The following GAB2 variants were observed in gnomAD, a reference collection of about 807,000 sequenced individuals.
The protein encoded by GAB2 is GRB2 associated binding protein 2.
GAB2 carries 26 observed loss-of-function variants against 65.5 expected under a neutral mutation model. That is an observed-to-expected ratio of 0.40 (90% CI 0.29 to 0.55). The LOEUF (loss-of-function observed/expected upper bound fraction) is 0.55, where lower values mean the gene tolerates loss of function less well. GAB2 is among the 20% of genes least tolerant of loss of function. GAB2 has a pLI of 0.53. For synonymous variants in GAB2, 321 were observed against 329.6 expected (o/e 0.97, Z 0.28); for missense variants, 884 against 875.8 (o/e 1.01, Z -0.12).
In GAB2 at chr11:78,219,025, T is replaced by G; in HGVS notation, c.*247A>C. ...TTTTGGAAGTAGCTCCTAACTAAGG[T>G]GGGTGGAGGCATGGCCATTACTGAT... is the stretch of plus-strand genomic sequence containing the variant. On this transcript the variant is annotated 3_prime_UTR_variant, in exon 10 of 10. Coordinates refer to ENST00000361507, the MANE Select transcript of GAB2 (RefSeq NM_080491.3). 1 of 472,830 alleles carries G rather than the reference T, an allele frequency of 2.1e-6. No homozygotes were observed. Among genetic ancestry groups the G allele is most frequent in the Non-Finnish European group, 3.8e-6 (1 of 265,224 alleles). The allele number at this position is 472,830 out of a possible 1,614,324, so 29.3% of individuals were successfully genotyped here.
chr11:78,396,390 T>G (rs1856895030), intron 1 of GAB2, among the ~76,000 whole-genome samples: 1 of 152,250 alleles, frequency 6.6e-6, no homozygotes, highest in South Asian at 2.1e-4. Context: ...AAATTTGTTT[T>G]CATATATAAT....
intron 1 of GAB2, among the ~76,000 whole-genome samples, chr11:78,368,073 C>G (rs780095786): frequency 6.6e-6 from 1 of 152,114 alleles, no homozygotes; most frequent in Non-Finnish European, 1.5e-5. Context: ...GCCTCGGCCT[C>G]CCAAAGTGCT....
intron 1 of GAB2, among the ~76,000 whole-genome samples, chr11:78,299,564 A>G (rs1231503944): frequency 6.6e-6 from 1 of 152,246 alleles, no homozygotes; most frequent in Non-Finnish European, 1.5e-5. Context: ...CAAATACAGT[A>G]TCATGAAAAG....
At chr11:78,296,908 G>A (rs1866845041) in intron 1 of GAB2, among the ~76,000 whole-genome samples, 1 of 152,208 alleles carries the variant, frequency 6.6e-6, no homozygotes, top group Non-Finnish European at 1.5e-5. Flanking sequence ...AGATGGTGGA[G>A]GGGACAACGG....
chr11:78,394,055 G>A (rs1340014225), intron 1 of GAB2, among the ~76,000 whole-genome samples: 2 of 152,202 alleles, frequency 1.3e-5, no homozygotes, highest in African/African-American at 2.4e-5. Context: ...TTGGGAGGCC[G>A]TGGCAGGCAG....
At chr11:78,407,746 GAA>G (rs369487376) in intron 1 of GAB2, among the ~76,000 whole-genome samples, 4 of 126,286 alleles carry the variant, frequency 3.2e-5, no homozygotes, top group South Asian at 2.8e-4. Flanking sequence ...AAGAAAGAAA[GAA>G]AAAGAAAGAA....
intron 1 of GAB2, among the ~76,000 whole-genome samples, chr11:78,343,391 AGAGG>A (rs1403825649): frequency 1.1e-5 from 1 of 92,316 alleles, no homozygotes; most frequent in African/African-American, 4.3e-5. Context: ...AGAGAGGGAG[AGAGG>A]GAGGGAGGGA....
intron 1 of GAB2, among the ~76,000 whole-genome samples, chr11:78,409,799 C>T (rs1857103700): frequency 6.6e-6 from 1 of 152,044 alleles, no homozygotes; most frequent in South Asian, 2.1e-4. Flanking sequence ...GAATACTTTA[C>T]CCAATAATAG....
At chr11:78,378,730 A>G (rs1365783108) in intron 1 of GAB2, among the ~76,000 whole-genome samples, 1 of 152,112 alleles carries the variant, frequency 6.6e-6, no homozygotes, top group Non-Finnish European at 1.5e-5. Context: ...GCCTCAAGCA[A>G]TCCTCCTGCC....
chr11:78,229,130 T>G (rs1166681033), intron 3 of GAB2, among the ~76,000 whole-genome samples: 1 of 152,158 alleles, frequency 6.6e-6, no homozygotes, highest in Non-Finnish European at 1.5e-5. Flanking sequence ...ACAGTTGGTA[T>G]CAGCCCTTGC....
intron 1 of GAB2, among the ~76,000 whole-genome samples, chr11:78,323,916 G>C (rs1855775934): frequency 6.9e-6 from 1 of 145,748 alleles, no homozygotes; most frequent in Admixed American, 7.1e-5. Flanking sequence ...TCCTCCCTCA[G>C]CCTCCCGAGT....
chr11:78,411,167 G>C (rs899901860), intron 1 of GAB2, among the ~76,000 whole-genome samples: 2 of 149,526 alleles, frequency 1.3e-5, no homozygotes, highest in African/African-American at 2.5e-5. Context: ...GTTGGGGGGG[G>C]GGATGGTGGA....
chr11:78,317,613 G>A (rs1395510918), intron 1 of GAB2, among the ~76,000 whole-genome samples: 1 of 148,512 alleles, frequency 6.7e-6, no homozygotes, highest in Non-Finnish European at 1.5e-5. Context: ...TATGTTATGT[G>A]TATTTTATCA....
chr11:78,330,573 C>T (rs1006592584), intron 1 of GAB2, among the ~76,000 whole-genome samples: 12 of 152,074 alleles, frequency 7.9e-5, no homozygotes, highest in Non-Finnish European at 1.5e-5. Flanking sequence ...AAGTGATGGT[C>T]AGAATGAGAA....
chr11:78,343,563 A>G (rs1856134210), intron 1 of GAB2, among the ~76,000 whole-genome samples: 1 of 152,196 alleles, frequency 6.6e-6, no homozygotes, highest in Non-Finnish European at 1.5e-5. Context: ...GACATACTAC[A>G]ATGCTGATGT....
chr11:78,326,541 C>T (rs1855825786), intron 1 of GAB2, among the ~76,000 whole-genome samples: 2 of 152,096 alleles, frequency 1.3e-5, no homozygotes, highest in Non-Finnish European at 2.9e-5. Context: ...CTCTGAAGGG[C>T]CTTCCTGTAG....
intron 1 of GAB2, among the ~76,000 whole-genome samples, chr11:78,301,985 A>C (rs1867033064): frequency 6.6e-6 from 1 of 152,240 alleles, no homozygotes; most frequent in Admixed American, 6.5e-5. Flanking sequence ...CTGGCAAGCC[A>C]CATGTAGTAG....
At chr11:78,375,097 T>G (rs1405569529) in intron 1 of GAB2, among the ~76,000 whole-genome samples, 2 of 152,134 alleles carry the variant, frequency 1.3e-5, no homozygotes, top group Non-Finnish European at 2.9e-5. Context: ...CACACTAGAG[T>G]GCAATTGCAC....
chr11:78,216,279 G>A lies in GAB2; in HGVS notation c.*2993C>T, dbSNP rs964902740. 2.0e-5 allele frequency: 3 copies of A among 152,326 alleles called. No individual in the cohort carries two copies. The highest frequency in any genetic ancestry group is 7.2e-5 in the African/African-American group (3 of 41,462). The allele number at this position is 152,326 out of a possible 1,614,324, so 9.4% of individuals were successfully genotyped here. A position where few individuals can be genotyped will look rare whatever the true frequency, so the allele number is the denominator to read the frequency against. The stretch of plus-strand genomic sequence containing the variant: ...GAAGAAGGCTCCTTGGAGAGCCCCA[G>A]GCAGGGGGCCTGTGTGAAGCAGTGC... On this transcript the variant is annotated 3_prime_UTR_variant, in exon 10 of 10. Transcript: ENST00000361507.
Sources: allele counts gnomAD v4.1 joint callset (sites outside exome capture counted in the v4.1 genomes callset), GRCh38; gene constraint gnomAD v4.1.1; transcripts MANE v1.5; gene names NCBI Gene and HGNC (gene_info 2026-07-23, HGNC 2026-07-21).